TUBGCP3: variants seen among roughly 807,000 people sequenced by gnomAD.
TUBGCP3 encodes the protein tubulin gamma complex component 3.
A neutral mutation model predicts 123.1 loss-of-function variants in TUBGCP3; 50 were observed. The ratio of observed to expected loss-of-function variants is 0.41; its 90% CI spans 0.32 to 0.51. TUBGCP3 has a LOEUF of 0.51. Ranked by LOEUF, TUBGCP3 falls within the 20% of genes least tolerant of loss-of-function variation. TUBGCP3 has a pLI of 0.36. For missense variants in TUBGCP3, 882 were observed against 1,127.0 expected (o/e 0.78, Z 3.11); for synonymous variants, 405 against 413.9 (o/e 0.98, Z 0.26).
chr13:112,564,430 G>A (rs560258038), intron 3 of TUBGCP3, among the ~76,000 whole-genome samples: 1 of 152,300 alleles, frequency 6.6e-6, no homozygotes, highest in South Asian at 2.1e-4. Context: ...AAAGAAAGCG[G>A]GATGAACTAA....
chr13:112,498,025 T>C (rs111718053), intron 20 of TUBGCP3, among the ~76,000 whole-genome samples: 76 of 152,256 alleles, frequency 5.0e-4, no homozygotes, highest in African/African-American at 1.6e-3. Flanking sequence ...CATGTACATA[T>C]ACATGTACAC....
intron 8 of TUBGCP3, among the ~76,000 whole-genome samples, chr13:112,550,992 G>A (rs948027315): frequency 1.3e-5 from 2 of 152,088 alleles, no homozygotes; most frequent in South Asian, 2.1e-4. Flanking sequence ...CCGGCTACTC[G>A]GGAGGCTGAG....
At chr13:112,552,203 C>T (rs1476271719) in intron 8 of TUBGCP3, among the ~76,000 whole-genome samples, 1 of 152,200 alleles carries the variant, frequency 6.6e-6, no homozygotes, top group East Asian at 1.9e-4. Context: ...AATCCATCTC[C>T]TGGAATAAAA....
chr13:112,491,294 T>A (rs1332509253), intron 20 of TUBGCP3, among the ~76,000 whole-genome samples: 1 of 152,242 alleles, frequency 6.6e-6, no homozygotes, highest in Non-Finnish European at 1.5e-5. Context: ...CATATTTCCT[T>A]ATTTATGTGC....
In TUBGCP3 at chr13:112,496,758, G is replaced by A. The variant is rs578003569; in HGVS notation, c.2448+2287C>T. Among the ~76,000 whole-genome samples the A allele has an allele frequency of 5.0e-4, 76 of 152,186 alleles. 2 individuals are homozygous for A. In the South Asian group the frequency reaches 0.015, roughly 29 times the overall value. ...TCCCAGCACTTTGGGAGGCCGAGGC[G>A]GGCGGATCATGAGGTCAGGAGATCG... On this transcript the variant is annotated intron_variant, in intron 20 of 21. Transcript: ENST00000261965.
the TUBGCP3 span, among the ~76,000 whole-genome samples, chr13:112,602,336 C>T: frequency 6.6e-6 from 1 of 152,120 alleles, no homozygotes; most frequent in African/African-American, 2.4e-5. Context: ...GCTTATTCCC[C>T]TTCTGCTTGA....
intron 1 of TUBGCP3, among the ~76,000 whole-genome samples, chr13:112,569,616 C>G (rs1024826277): frequency 6.6e-6 from 1 of 152,098 alleles, no homozygotes; most frequent in Non-Finnish European, 1.5e-5. Flanking sequence ...ACTCCAGGGT[C>G]AACACACACA....
intron 1 of TUBGCP3, among the ~76,000 whole-genome samples, chr13:112,577,150 G>A (rs1419716929): frequency 1.3e-5 from 2 of 152,146 alleles, no homozygotes; most frequent in African/African-American, 4.8e-5. Flanking sequence ...TCACTCTCAA[G>A]GAGGTAGCTA....
intron 1 of TUBGCP3, 49 bp from the exon 2 acceptor site, chr13:112,569,308 C>T: frequency 1.9e-6 from 3 of 1,575,452 alleles, no homozygotes; most frequent in Non-Finnish European, 2.6e-6. Context: ...AGGTTACGTT[C>T]TGGTCACCTG....
In TUBGCP3 at chr13:112,504,697, G is replaced by A. The variant is rs1566537615; in HGVS notation, c.2104C>T (p.His702Tyr). Residue 702 changes from histidine (H) to tyrosine (Y), a missense_variant, in exon 18 of 22, where the codon CAC becomes TAC. By Grantham distance (83) the His-to-Tyr change is moderately conservative. This residue lies in a region of TUBGCP3 where 713 missense variants were observed against 874.0 expected (regional missense o/e 0.82). Transcript: ENST00000261965. The stretch of plus-strand genomic sequence containing the variant: ...TCAGAGGCCAAAATGTGACACTGGT[G>A]CAGCACCCCGGAGAACTCTGCAAGG... The part of the protein sequence containing the change: ...RNMPEFSGVL[H>Y]QCHILASEMV... The A allele has an allele frequency of 6.2e-7, 1 of 1,613,706 alleles. No homozygotes were observed. The highest frequency in any genetic ancestry group is 8.5e-7 in the Non-Finnish European group (1 of 1,179,796).
intron 17 of TUBGCP3, among the ~76,000 whole-genome samples, chr13:112,509,707 A>G (rs1212275942): frequency 6.6e-6 from 1 of 152,188 alleles, no homozygotes; most frequent in Non-Finnish European, 1.5e-5. Context: ...TGCTACTGAA[A>G]AGAAACCTCG....
intron 17 of TUBGCP3, among the ~76,000 whole-genome samples, chr13:112,510,657 T>G (rs1475368211): frequency 6.6e-6 from 1 of 152,140 alleles, no homozygotes; most frequent in Non-Finnish European, 1.5e-5. Context: ...GACTTAATCC[T>G]GCAACACTAG....
Position 112,492,800 on chromosome 13 carries a change from G to T in TUBGCP3, c.2449-3103C>A, listed in dbSNP as rs142541640. Among the ~76,000 whole-genome samples the T allele has an allele frequency of 2.2e-3, 336 of 152,058 alleles. 8 individuals are homozygous for T. The East Asian group carries it at 0.051, about 23-fold the overall frequency. On this transcript the variant is annotated intron_variant, in intron 20 of 21. Coordinates refer to ENST00000261965, the MANE Select transcript of TUBGCP3 (RefSeq NM_006322.6). ...CGCTCTAGCTATGGGAACATGGCCT[G>T]GTGTGCCTGAGACGCTCTGGCTATG...
chr13:112,537,682 G>A (rs529106925), intron 11 of TUBGCP3, among the ~76,000 whole-genome samples: 63 of 152,244 alleles, frequency 4.1e-4, no homozygotes, highest in Admixed American at 1.8e-3. Flanking sequence ...AGGAATCTGA[G>A]AAGGGTTGCT....
At chr13:112,544,909 T>C (rs554739198) in intron 11 of TUBGCP3, 2 of 152,352 alleles carry the variant, frequency 1.3e-5, no homozygotes, top group East Asian at 1.9e-4. Context: ...TATTTGCAAT[T>C]TCATCCATGA....
chr13:112,601,675 C>G, the TUBGCP3 span, among the ~76,000 whole-genome samples: 2 of 152,180 alleles, frequency 1.3e-5, no homozygotes, highest in Non-Finnish European at 2.9e-5. Context: ...GACTCATCCC[C>G]AGCCATGTGA....
chr13:112,536,551 A>G (rs372714393), intron 11 of TUBGCP3, among the ~76,000 whole-genome samples: 5 of 152,270 alleles, frequency 3.3e-5, no homozygotes, highest in African/African-American at 4.8e-5. Context: ...TATTTAGATG[A>G]TATTTTAAAT....
At chr13:112,595,795 C>T in the TUBGCP3 span, among the ~76,000 whole-genome samples, 6 of 151,996 alleles carry the variant, frequency 3.9e-5, no homozygotes, top group Non-Finnish European at 7.4e-5. Context: ...AGACCATTTA[C>T]ATTTGATGTA....
At chr13:112,599,588 C>G in the TUBGCP3 span, among the ~76,000 whole-genome samples, 4 of 152,180 alleles carry the variant, frequency 2.6e-5, no homozygotes, top group Admixed American at 6.5e-5. Flanking sequence ...CTCACTGTAA[C>G]CTCCGCCTCC....
Sources: gnomAD v4.1 joint callset for allele counts (sites outside exome capture counted in the v4.1 genomes callset) on GRCh38, gnomAD v4.1.1 for gene constraint, gnomAD v4.1.1 regional missense constraint, MANE v1.5 for transcripts, NCBI Gene and HGNC (gene_info 2026-07-23, HGNC 2026-07-21) for gene names.